Variants in GLB1L3 observed in about 807,000 individuals in gnomAD.
GLB1L3 encodes the protein beta-galactosidase-1-like protein 3.
Under a neutral mutation model 89.5 loss-of-function variants are expected in GLB1L3, and 89 were observed. That is an observed-to-expected ratio of 0.99 (90% CI 0.84 to 1.19). The LOEUF (loss-of-function observed/expected upper bound fraction) is 1.19, where lower values mean the gene tolerates loss of function less well. GLB1L3 is among the 50% of genes most tolerant of loss of function. GLB1L3 has a pLI of 0.00. For synonymous variants in GLB1L3, 314 were observed against 312.3 expected, an observed-to-expected ratio of 1.01 and a Z score of -0.06; for missense variants, 812 against 813.3, an observed-to-expected ratio of 1.00 and a Z score of 0.02.
intron 13 of GLB1L3, 156 bp from the exon 14 acceptor site, chr11:134,312,193 G>C: frequency 1.3e-6 from 1 of 762,044 alleles, no homozygotes; most frequent in Non-Finnish European, 2.1e-6. Flanking sequence ...CAGTGGAGAC[G>C]TAAGCACAGA....
At chr11:134,292,864 C>A (rs1055191652) in intron 8 of GLB1L3, 7 of 522,522 alleles carry the variant, frequency 1.3e-5, no homozygotes, top group African/African-American at 1.2e-4. Context: ...AAGCCTGTGT[C>A]CCGTTTCCAG....
At chr11:134,305,407 G>T (rs1233180359) in intron 9 of GLB1L3, 6 of 402,090 alleles carry the variant, frequency 1.5e-5, no homozygotes, top group Non-Finnish European at 2.6e-5. Context: ...TTGAACCCCT[G>T]ATAGACCTTC....
At chr11:134,324,740 A>C in the GLB1L3 span, among the ~76,000 whole-genome samples, 3 of 152,144 alleles carry the variant, frequency 2.0e-5, no homozygotes, top group African/African-American at 7.2e-5. Flanking sequence ...GGCCTGAATG[A>C]TATTAAATAA....
downstream of GLB1L3, among the ~76,000 whole-genome samples, chr11:134,321,182 T>C (rs544589787): frequency 2.0e-4 from 30 of 152,260 alleles, no homozygotes; most frequent in African/African-American, 6.7e-4. Flanking sequence ...AAAAACACTG[T>C]GTAAAGCGAG....
At chr11:134,296,862 T>TAATAATAATAAA (rs1555076987) in intron 9 of GLB1L3, among the ~76,000 whole-genome samples, 22 of 131,772 alleles carry the variant, frequency 1.7e-4, no homozygotes, top group South Asian at 1.0e-3. Context: ...ATAATAATAA[T>TAATAATAATAAA]AAAAACAAAC....
chr11:134,310,952 C>G, intron 12 of GLB1L3, 112 bp from the exon 13 acceptor site: 2 of 752,666 alleles, frequency 2.7e-6, no homozygotes, highest in Non-Finnish European at 2.3e-6. Flanking sequence ...CCATGGATGA[C>G]ATAGTAACCC....
intron 8 of GLB1L3, chr11:134,292,605 G>A (rs142531398): frequency 2.4e-5 from 5 of 212,266 alleles, no homozygotes; most frequent in African/African-American, 9.2e-5. Flanking sequence ...CAGGAACCCC[G>A]CCTAGATCCG....
At chr11:134,296,182 T>C (rs1472932349) in intron 9 of GLB1L3, among the ~76,000 whole-genome samples, 2 of 150,374 alleles carry the variant, frequency 1.3e-5, no homozygotes, top group Non-Finnish European at 3.0e-5. Context: ...CATTAAAAAG[T>C]CAGGAAACAA....
At chr11:134,308,368 C>T (rs1360771177) in intron 10 of GLB1L3, among the ~76,000 whole-genome samples, 14 of 80,268 alleles carry the variant, frequency 1.7e-4, no homozygotes, top group Non-Finnish European at 2.4e-4. Context: ...ACCACCACCA[C>T]CACCACCACC....
At chr11:134,315,837 C>T (rs1348732867) in intron 18 of GLB1L3, among the ~76,000 whole-genome samples, 1 of 151,998 alleles carries the variant, frequency 6.6e-6, no homozygotes, top group African/African-American at 2.4e-5. Context: ...GATTAATTTG[C>T]TTTATTTTTA....
In GLB1L3 at chr11:134,308,148, TCATCACCAA is replaced by T. The variant is rs1942290055; in HGVS notation, c.961+943_961+951del. On this transcript the variant is annotated intron_variant, in intron 10 of 19. Coordinates refer to ENST00000431683, the MANE Select transcript of GLB1L3 (RefSeq NM_001080407.3). ...CATCACATCACCACCACAATCACCA[TCATCACCAA>T]CACCACCACCAGCACCACCACCATC... Among the ~76,000 whole-genome samples the T allele has an allele frequency of 2.3e-5, 3 of 131,980 alleles. No homozygotes were observed. The South Asian group carries it at 7.9e-4, about 35-fold the overall frequency. 86.6% of individuals were successfully genotyped at this position (131,980 alleles called of 152,430 possible).
intron 9 of GLB1L3, among the ~76,000 whole-genome samples, chr11:134,296,700 G>A (rs1347448361): frequency 8.8e-6 from 1 of 113,068 alleles, no homozygotes; most frequent in Non-Finnish European, 1.7e-5. Context: ...TGTGGGGTGG[G>A]GGGAGGGGGG....
At chr11:134,288,351 C>A (rs1941134131) in intron 6 of GLB1L3, among the ~76,000 whole-genome samples, 1 of 152,072 alleles carries the variant, frequency 6.6e-6, no homozygotes. Context: ...TCATGGAGGT[C>A]AGCTTGTTGC....
downstream of GLB1L3, among the ~76,000 whole-genome samples, chr11:134,319,818 T>C (rs767451566): frequency 1.3e-4 from 19 of 151,996 alleles, no homozygotes; most frequent in Non-Finnish European, 2.5e-4. Context: ...ACAATGTCTT[T>C]CATTTCCCTT....
At chr11:134,308,496 CAA>C (rs1185221946) in intron 10 of GLB1L3, among the ~76,000 whole-genome samples, 13 of 9,650 alleles carry the variant, frequency 1.3e-3, no homozygotes, top group Non-Finnish European at 2.3e-3. Context: ...CCATCACCAC[CAA>C]ATACCACCAC....
intron 15 of GLB1L3, 75 bp downstream of exon 15, chr11:134,312,962 A>AGACAGTCG: frequency 9.7e-7 from 1 of 1,031,244 alleles, no homozygotes; most frequent in South Asian, 1.4e-5. Context: ...TGAGACAGTC[A>AGACAGTCG]GCCTCCCTTC....
chr11:134,311,790 A>G (rs1284697196), intron 13 of GLB1L3: 1 of 144,702 alleles, frequency 6.9e-6, no homozygotes, highest in African/African-American at 2.9e-5. Context: ...TTTAGAATAC[A>G]ATTTATTTAC....
At chr11:134,296,093 G>T (rs1374428720) in intron 9 of GLB1L3, among the ~76,000 whole-genome samples, 2 of 152,142 alleles carry the variant, frequency 1.3e-5, no homozygotes, top group Admixed American at 1.3e-4. Flanking sequence ...ATGAAAAAAT[G>T]CTCACCATCA....
intron 9 of GLB1L3, among the ~76,000 whole-genome samples, chr11:134,295,364 CATTTT>C (rs757993152): frequency 6.6e-6 from 1 of 152,158 alleles, no homozygotes; most frequent in South Asian, 2.1e-4. Context: ...TTATTCTACT[CATTTT>C]ATTCTATTCC....
Sources: allele counts gnomAD v4.1 joint callset (sites outside exome capture counted in the v4.1 genomes callset), GRCh38; gene constraint gnomAD v4.1.1; transcripts MANE v1.5; gene names NCBI Gene and HGNC (gene_info 2026-07-23, HGNC 2026-07-21).